GRPEL2: variants seen among roughly 807,000 people sequenced by gnomAD.
The protein encoded by GRPEL2 is grpE protein homolog 2, mitochondrial.
In GRPEL2, 18 loss-of-function variants were observed where a neutral mutation model predicts 25.9. The ratio of observed to expected loss-of-function variants is 0.70; its 90% CI spans 0.48 to 1.03. The LOEUF is 1.03. GRPEL2 is among the 50% of genes least tolerant of loss of function. The pLI is 0.00. For synonymous variants in GRPEL2, 106 were observed against 107.9 expected, an observed-to-expected ratio of 0.98 and a Z score of 0.11; for missense variants, 247 against 276.2, an observed-to-expected ratio of 0.89 and a Z score of 0.75.
chr5:149,351,954 G>A lies in GRPEL2; in HGVS notation c.*672G>A, dbSNP rs1757783098. 6.6e-6 allele frequency: 1 copy of A among 152,312 alleles called. No homozygotes were observed. Among genetic ancestry groups the A allele is most frequent in the Non-Finnish European group, 1.5e-5 (1 of 68,024 alleles). The allele number at this position is 152,312 out of a possible 1,614,324, so 9.4% of individuals were successfully genotyped here. The stretch of plus-strand genomic sequence containing the variant: ...AGATACCCAGGACCCTTTCAAGCAA[G>A]AATGGCCAAAAAGCCTTGTGCTGTC... On this transcript the variant is annotated 3_prime_UTR_variant, in exon 4 of 4. Transcript: ENST00000329271.
chr5:149,348,748 C>T (rs1757727838), intron 2 of GRPEL2, among the ~76,000 whole-genome samples: 1 of 152,146 alleles, frequency 6.6e-6, no homozygotes, highest in African/African-American at 2.4e-5. Flanking sequence ...TGAGTGAGGT[C>T]ACTGACCATT....
Position 149,350,908 on chromosome 5 carries a change from T to G in GRPEL2, c.314-10T>G, listed in dbSNP as rs1013328943. The G allele has an allele frequency of 1.2e-6, 2 of 1,609,236 alleles. No individual in the cohort carries two copies. The highest frequency in any genetic ancestry group is 2.7e-5 in the African/African-American group (2 of 74,554). The stretch of plus-strand genomic sequence containing the variant: ...CTCACAAACAATAAAAATAACTGGC[T>G]TCTCTGCAGGAATCCAGAGTTTCTG... On this transcript the variant is annotated splice_polypyrimidine_tract_variant and intron_variant, in intron 3 of 3. Coordinates refer to ENST00000329271, the MANE Select transcript of GRPEL2 (RefSeq NM_152407.4).
chr5:149,349,609 A>C lies in GRPEL2; in HGVS notation c.232-45A>C, dbSNP rs553077407. ...AGCAAAAACATTCTCTTCCACCAAT[A>C]AGTATTTGTTTTCTCATCCTTTTGA... On this transcript the variant is annotated intron_variant, in intron 2 of 3. Transcript: ENST00000329271. The C allele has an allele frequency of 9.1e-6, 12 of 1,317,904 alleles. No individual in the cohort carries two copies. The East Asian group carries it at 2.7e-4, about 29-fold the overall frequency. The allele number at this position is 1,317,904 out of a possible 1,614,324, so 81.6% of individuals were successfully genotyped here. A position where few individuals can be genotyped will look rare whatever the true frequency, so the allele number is the denominator to read the frequency against.
At chr5:149,346,760 C>T (rs1477402826) in intron 1 of GRPEL2, among the ~76,000 whole-genome samples, 2 of 76,978 alleles carry the variant, frequency 2.6e-5, no homozygotes, top group African/African-American at 1.2e-4. Flanking sequence ...TTTTTTGAGA[C>T]GGAGTCTCAC....
chr5:149,349,518 C>A, intron 2 of GRPEL2, 136 bp from the exon 3 acceptor site: 1 of 635,734 alleles, frequency 1.6e-6, no homozygotes, highest in Admixed American at 3.1e-5. Flanking sequence ...AGTAGCTGAT[C>A]TAAGATTTCT....
At chr5:149,345,655 C>T (rs1044505679) in intron 1 of GRPEL2, 39 bp downstream of exon 1, 3 of 1,535,824 alleles carry the variant, frequency 2.0e-6, no homozygotes, top group Non-Finnish European at 1.8e-6. Flanking sequence ...CGTGAGGACT[C>T]TGAGGGGCTA....
intron 2 of GRPEL2, 89 bp from the exon 3 acceptor site, chr5:149,349,565 G>T: frequency 1.1e-6 from 1 of 908,624 alleles, no homozygotes. Context: ...CCTATCAAAA[G>T]GGTGAAATTT....
chr5:149,349,467 T>C (rs1757743391), intron 2 of GRPEL2, among the ~76,000 whole-genome samples, 187 bp from the exon 3 acceptor site: 1 of 152,208 alleles, frequency 6.6e-6, no homozygotes, highest in African/African-American at 2.4e-5. Flanking sequence ...TACCTAGCAG[T>C]GCTGCTAAAG....
intron 1 of GRPEL2, 60 bp from the exon 2 acceptor site, chr5:149,348,212 G>A: frequency 6.8e-7 from 1 of 1,471,522 alleles, no homozygotes; most frequent in Non-Finnish European, 9.2e-7. Flanking sequence ...TCTAAACTTG[G>A]TTGTAATTTT....
intron 1 of GRPEL2, among the ~76,000 whole-genome samples, chr5:149,347,386 T>C (rs957982203): frequency 6.6e-6 from 1 of 152,226 alleles, no homozygotes; most frequent in Non-Finnish European, 1.5e-5. Context: ...AAAGAACTCA[T>C]GTACTCACAG....
At position 149,352,930 on chromosome 5, in the gene GRPEL2, C is replaced by A. The variant is rs1295867412; in HGVS notation, c.*1648C>A. On this transcript the variant is annotated 3_prime_UTR_variant, in exon 4 of 4. Coordinates refer to ENST00000329271, the MANE Select transcript of GRPEL2 (RefSeq NM_152407.4). The stretch of plus-strand genomic sequence containing the variant: ...ATTAATGGGCATGCAATGAAGTCTC[C>A]AGCAGACAATCAGATGTTGTTGGAT... 4 of 152,142 alleles carry A rather than the reference C, an allele frequency of 2.6e-5. No individual in the cohort carries two copies. The highest frequency in any genetic ancestry group is 4.4e-5 in the Non-Finnish European group (3 of 68,020). The allele number at this position is 152,142 out of a possible 1,614,324, so 9.4% of individuals were successfully genotyped here.
rs932351297 is a variant in GRPEL2, at chr5:149,353,925, G to A, written c.*2643G>A. 2 of 152,130 alleles carry A rather than the reference G, an allele frequency of 1.3e-5. No individual in the cohort carries two copies. Among genetic ancestry groups the A allele is most frequent in the South Asian group, 2.1e-4 (1 of 4,830 alleles). 9.4% of individuals were successfully genotyped at this position (152,130 alleles called of 1,614,324 possible). A position where few individuals can be genotyped will look rare whatever the true frequency, so the allele number is the denominator to read the frequency against. The stretch of plus-strand genomic sequence containing the variant: ...CCCTTCTGAGCCTGTTTCTTTATTC[G>A]TAAAATGATTATAATAATTCTTTCA... On this transcript the variant is annotated 3_prime_UTR_variant, in exon 4 of 4. Transcript: ENST00000329271.
At position 149,351,167 on chromosome 5, in the gene GRPEL2, T is replaced by C. The variant is rs143725760; in HGVS notation, c.563T>C (p.Val188Ala). The change falls in exon 4 of 4, where the codon GTT (valine) becomes GCT (alanine). Residue 188 changes from valine (V) to alanine (A), a missense_variant. Physicochemically the swap from Val to Ala is moderately conservative, Grantham distance 64. Transcript: ENST00000329271. ...HELICHVPAGVGVQPGTVALV... is the reference protein window; with the variant it reads ...HELICHVPAGAGVQPGTVALV... ...CTCATCTGTCATGTGCCAGCTGGTG[T>C]TGGGGTGCAGCCTGGCACCGTGGCA... 1.4e-5 allele frequency: 23 copies of C among 1,613,980 alleles called. No homozygotes were observed. Among genetic ancestry groups the C allele is most frequent in the Non-Finnish European group, 1.9e-5 (23 of 1,180,022 alleles).
intron 2 of GRPEL2, among the ~76,000 whole-genome samples, chr5:149,349,416 AC>A (rs1464030947): frequency 4.6e-5 from 7 of 152,246 alleles, no homozygotes; most frequent in Non-Finnish European, 8.8e-5. Flanking sequence ...AAGATAATGA[AC>A]TTGAAACCGT....
Position 149,345,537 on chromosome 5 carries a change from A to G in GRPEL2, c.-3A>G. 6.2e-7 allele frequency: 1 copy of G among 1,610,642 alleles called. No homozygotes were observed. The highest frequency in any genetic ancestry group is 8.5e-7 in the Non-Finnish European group (1 of 1,178,702). ...GCGCTGCCTCTCAGCCCAAATTGGA[A>G]ACATGGCCGTACGGTCGCTGTGGGC... On this transcript the variant is annotated 5_prime_UTR_variant, in exon 1 of 4. Transcript: ENST00000329271.
Position 149,351,720 on chromosome 5 carries a change from G to T in GRPEL2, c.*438G>T. The T allele has an allele frequency of 6.4e-6, 1 of 156,124 alleles. No homozygotes were observed. Among genetic ancestry groups the T allele is most frequent in the Non-Finnish European group, 1.4e-5 (1 of 70,162 alleles). The allele number at this position is 156,124 out of a possible 1,614,324, so 9.7% of individuals were successfully genotyped here. On this transcript the variant is annotated 3_prime_UTR_variant, in exon 4 of 4. Transcript: ENST00000329271. Reference sequence around the variant, plus strand: ...AAAGCTTCGTGGTCGTATAAATTTAGATCATTTGGATTGATTTTTATACAC... The same window carrying T: ...AAAGCTTCGTGGTCGTATAAATTTATATCATTTGGATTGATTTTTATACAC...
rs76866879 is a variant in GRPEL2 at position 149,350,538 on chromosome 5, T to C, written c.314-380T>C. ...TTGTCCCTGTTGAGAATGTATGCCA[T>C]AGCACAACTGGGACAGGCAGGAATT... is the stretch of plus-strand genomic sequence containing the variant. On this transcript the variant is annotated intron_variant, in intron 3 of 3. Coordinates refer to ENST00000329271, the MANE Select transcript of GRPEL2 (RefSeq NM_152407.4). 8.8e-3 allele frequency among the ~76,000 whole-genome samples: 1,340 copies of C among 152,346 alleles called. 19 individuals are homozygous for C. Among genetic ancestry groups the C allele is most frequent in the African/African-American group, 0.031 (1,271 of 41,574 alleles).
In GRPEL2 at chr5:149,351,329, G is replaced by A. The variant is rs571253937; in HGVS notation, c.*47G>A. On this transcript the variant is annotated 3_prime_UTR_variant, in exon 4 of 4. Transcript: ENST00000329271. Reference sequence around the variant, plus strand: ...GTTCTCCCAGAGCGCAGTCACCTATGTTTCTTTTATTTATTAAACTAGGTT... The same window carrying A: ...GTTCTCCCAGAGCGCAGTCACCTATATTTCTTTTATTTATTAAACTAGGTT... 1.9e-6 allele frequency: 3 copies of A among 1,540,560 alleles called. No individual in the cohort carries two copies. Among genetic ancestry groups the A allele is most frequent in the African/African-American group, 2.8e-5 (2 of 72,448 alleles).
intron 1 of GRPEL2, among the ~76,000 whole-genome samples, chr5:149,346,388 AAAGT>A (rs1757689079): frequency 6.6e-6 from 1 of 152,222 alleles, no homozygotes; most frequent in Non-Finnish European, 1.5e-5. Context: ...TCTGAATAGT[AAAGT>A]AAGCTACGGG....
Sources: gnomAD v4.1 joint callset for allele counts (sites outside exome capture counted in the v4.1 genomes callset) on GRCh38, gnomAD v4.1.1 for gene constraint, MANE v1.5 for transcripts, NCBI Gene and HGNC (gene_info 2026-07-23, HGNC 2026-07-21) for gene names.